Variants in PCDH17 observed in about 807,000 individuals in gnomAD.
The protein encoded by PCDH17 is protocadherin 17, also known as protocadherin-17.
Under a neutral mutation model 67.7 loss-of-function variants are expected in PCDH17, and 21 were observed. That is an observed-to-expected ratio of 0.31 (90% CI 0.22 to 0.45). The LOEUF (loss-of-function observed/expected upper bound fraction) is 0.45. PCDH17 is among the 20% of genes least tolerant of loss of function. The pLI, the probability that PCDH17 is intolerant of heterozygous loss-of-function variation, is 1.00. For missense variants in PCDH17, 1,471 were observed against 1,564.8 expected, an observed-to-expected ratio of 0.94 and a Z score of 1.01; for synonymous variants, 701 against 656.7, an observed-to-expected ratio of 1.07 and a Z score of -1.03.
At chr13:57,687,963 T>C (rs1312502405) in intron 3 of PCDH17, among the ~76,000 whole-genome samples, 1 of 152,008 alleles carries the variant, frequency 6.6e-6, no homozygotes, top group Non-Finnish European at 1.5e-5. Flanking sequence ...CAATTTAGTC[T>C]AGATAAACTG....
In PCDH17 at chr13:57,633,422, G is replaced by A; in HGVS notation, c.876G>A (p.Glu292=). ...GCTACGTGCCTGACCGCGTGCGGGAGCTCTTCTCCATCGACCCCAAGACCG... is the reference window on the plus strand; with the variant it reads ...GCTACGTGCCTGACCGCGTGCGGGAACTCTTCTCCATCGACCCCAAGACCG... The part of the protein sequence containing the change: ...FSSYVPDRVR[E]LFSIDPKTGL... Residue 292 remains glutamate, a synonymous_variant, in exon 1 of 4, where the codon GAG becomes GAA. Coordinates refer to ENST00000377918, the MANE Select transcript of PCDH17 (RefSeq NM_001040429.3). This position sits in a 1 kb window ranked among gnomAD's most constrained non-coding sequence, Gnocchi z 6.2. 1 of 1,613,514 alleles carries A rather than the reference G, an allele frequency of 6.2e-7. No homozygotes were observed.
rs1955903127 is a variant in PCDH17, at chr13:57,725,058, A to G, written c.3244A>G (p.Ser1082Gly). The G allele has an allele frequency of 6.2e-7, 1 of 1,614,136 alleles. No individual in the cohort carries two copies. The highest frequency in any genetic ancestry group is 8.5e-7 in the Non-Finnish European group (1 of 1,179,990). Reference sequence around the variant, plus strand: ...CACTGACAGTCAATATCTGTCACCTAGTAAGCAACCAAGAGACCCTCCCTT... The same window carrying G: ...CACTGACAGTCAATATCTGTCACCTGGTAAGCAACCAAGAGACCCTCCCTT... Reference protein sequence around the residue: ...LPTDSQYLSPSKQPRDPPFMA... With the variant: ...LPTDSQYLSPGKQPRDPPFMA... Residue 1082 changes from serine (S) to glycine (G), a missense_variant, in exon 4 of 4, where the codon AGT becomes GGT. By Grantham distance (56) the Ser-to-Gly change is moderately conservative (BLOSUM62 0). Transcript: ENST00000377918.
At chr13:57,723,683 G>A (rs1955889638) in intron 3 of PCDH17, among the ~76,000 whole-genome samples, 1 of 152,170 alleles carries the variant, frequency 6.6e-6, no homozygotes, top group African/African-American at 2.4e-5. Context: ...CAACTGGGAC[G>A]ATGTAGCTCA....
intron 3 of PCDH17, among the ~76,000 whole-genome samples, chr13:57,700,313 C>T (rs1224502050): frequency 6.7e-6 from 1 of 148,818 alleles, no homozygotes; most frequent in Non-Finnish European, 1.5e-5. Flanking sequence ...TTACATCTCT[C>T]TCTCTCTCTT....
chr13:57,640,918 A>G lies in PCDH17; in HGVS notation c.2565+5807A>G, dbSNP rs552592920. Among the ~76,000 whole-genome samples, 222 of 152,166 alleles carry G rather than the reference A, an allele frequency of 1.5e-3. 2 individuals carry two copies. The highest frequency in any genetic ancestry group is 5.3e-3 in the African/African-American group (220 of 41,554). ...CGCTAATTACAATATTAGTCATTGC[A>G]CTAGAATGTATTCCCCTCAGTGGTA... On this transcript the variant is annotated intron_variant, in intron 1 of 3. Transcript: ENST00000377918.
At chr13:57,656,179 A>G (rs1329057982) in intron 1 of PCDH17, among the ~76,000 whole-genome samples, 1 of 152,118 alleles carries the variant, frequency 6.6e-6, no homozygotes, top group East Asian at 1.9e-4. Flanking sequence ...AGATCCTAAT[A>G]CAAGACACTG....
chr13:57,724,113 C>T (rs540021653), intron 3 of PCDH17, among the ~76,000 whole-genome samples: 2 of 152,282 alleles, frequency 1.3e-5, no homozygotes, highest in African/African-American at 4.8e-5. Context: ...CCTTTTATTT[C>T]ATGACTGTCA....
rs761712622 is a variant in PCDH17 at position 57,634,794 on chromosome 13, C to A, written c.2248C>A (p.Pro750Thr). The A allele has an allele frequency of 1.9e-6, 3 of 1,614,024 alleles. No homozygotes were observed. The highest frequency in any genetic ancestry group is 2.5e-6 in the Non-Finnish European group (3 of 1,180,028). ...CTGCCGCATCGCCGAGTACAGCCAC[C>A]CGCAGCTGGGTGGGGGCAAGGGCAA... ...YNCRIAEYSH[P>T]QLGGGKGKKK... Residue 750 changes from proline to threonine, a missense_variant, in exon 1 of 4, where the codon CCG becomes ACG. Transcript: ENST00000377918. This position sits in a 1 kb window ranked among gnomAD's most constrained non-coding sequence, Gnocchi z 7.8.
intron 1 of PCDH17, among the ~76,000 whole-genome samples, chr13:57,651,365 T>G (rs1457845632): frequency 1.0e-4 from 15 of 148,142 alleles, no homozygotes; most frequent in Non-Finnish European, 2.2e-4. Flanking sequence ...GGTTTTTTTT[T>G]TTTTTTTTTT....
At position 57,728,916 on chromosome 13, in the gene PCDH17, A is replaced by C. The variant is rs1955933595; in HGVS notation, c.*3622A>C. ...TTAAAAGCTGTTTGTTATCTAATAG[A>C]GTAAAAGTTACTGAGGTCAACAGAT... is the stretch of plus-strand genomic sequence containing the variant. On this transcript the variant is annotated 3_prime_UTR_variant, in exon 4 of 4. Coordinates refer to ENST00000377918, the MANE Select transcript of PCDH17 (RefSeq NM_001040429.3). The C allele has an allele frequency of 6.6e-6, 1 of 152,464 alleles. No individual in the cohort carries two copies. The allele number at this position is 152,464 out of a possible 1,614,324, so 9.4% of individuals were successfully genotyped here. A position where few individuals can be genotyped will look rare whatever the true frequency, so the allele number is the denominator to read the frequency against.
At chr13:57,693,626 A>G (rs1395318358) in intron 3 of PCDH17, among the ~76,000 whole-genome samples, 2 of 150,650 alleles carry the variant, frequency 1.3e-5, no homozygotes, top group East Asian at 1.9e-4. Context: ...GGAAGGACAC[A>G]ATAATTTAAA....
chr13:57,695,566 TC>T (rs1343515487), intron 3 of PCDH17, among the ~76,000 whole-genome samples: 1 of 151,198 alleles, frequency 6.6e-6, no homozygotes, highest in Non-Finnish European at 1.5e-5. Flanking sequence ...ATGTATTTAT[TC>T]TAGCTATTTT....
rs562817440 is a variant in PCDH17 at position 57,702,276 on chromosome 13, G to C, written c.2798-22336G>C. 2.6e-5 allele frequency among the ~76,000 whole-genome samples: 4 copies of C among 151,912 alleles called. No homozygotes were observed. The South Asian group carries it at 6.3e-4, about 24-fold the overall frequency. On this transcript the variant is annotated intron_variant, in intron 3 of 3. Coordinates refer to ENST00000377918, the MANE Select transcript of PCDH17 (RefSeq NM_001040429.3). Reference sequence around the variant, plus strand: ...AATAAATGGCTTTCACTTGCAAAAGGCTCCATGTCTAAACAGAGTTTGTGC... The same window carrying C: ...AATAAATGGCTTTCACTTGCAAAAGCCTCCATGTCTAAACAGAGTTTGTGC...
intron 3 of PCDH17, among the ~76,000 whole-genome samples, chr13:57,677,873 A>C (rs1429969199): frequency 6.6e-6 from 1 of 151,824 alleles, no homozygotes; most frequent in East Asian, 1.9e-4. Context: ...TAGAGAGTCA[A>C]ATGGTGGTTA....
intron 1 of PCDH17, among the ~76,000 whole-genome samples, chr13:57,661,332 T>C (rs1955180683): frequency 6.6e-6 from 1 of 152,114 alleles, no homozygotes; most frequent in Admixed American, 6.6e-5. Context: ...TTCAAGTGTT[T>C]GTTTGTTTGT....
In PCDH17 at chr13:57,633,830, C is replaced by T. The variant is rs1954772283; in HGVS notation, c.1284C>T (p.Arg428=). 1.2e-6 allele frequency: 2 copies of T among 1,612,416 alleles called. No homozygotes were observed. The highest frequency in any genetic ancestry group is 1.7e-6 in the Non-Finnish European group (2 of 1,180,010). The stretch of plus-strand genomic sequence containing the variant: ...ACTTCTACACGGTGGTGACTGACCG[C>T]CCGCTGGACCGCGAGACACAAGACG... The part of the protein sequence containing the change: ...YDNFYTVVTD[R]PLDRETQDEY... Residue 428 remains arginine (R), a synonymous_variant, in exon 1 of 4, where the codon CGC becomes CGT. Coordinates refer to ENST00000377918, the MANE Select transcript of PCDH17 (RefSeq NM_001040429.3). This position sits in a 1 kb window ranked among gnomAD's most constrained non-coding sequence, Gnocchi z 6.2.
intron 1 of PCDH17, among the ~76,000 whole-genome samples, chr13:57,657,709 C>A (rs903981623): frequency 6.6e-6 from 1 of 152,138 alleles, no homozygotes; most frequent in Non-Finnish European, 1.5e-5. Context: ...GTTTTCAACG[C>A]AATGGTATCA....
intron 1 of PCDH17, among the ~76,000 whole-genome samples, chr13:57,636,614 G>T (rs1954826683): frequency 6.6e-6 from 1 of 151,776 alleles, no homozygotes; most frequent in African/African-American, 2.4e-5. Context: ...ATTTTTTAAG[G>T]TCTATATAAA....
chr13:57,653,337 A>C (rs1955064537), intron 1 of PCDH17, among the ~76,000 whole-genome samples: 1 of 152,126 alleles, frequency 6.6e-6, no homozygotes, highest in Non-Finnish European at 1.5e-5. Flanking sequence ...CTCGTATTAG[A>C]AACTGTAGGG....
Sources: gnomAD v4.1 joint callset for allele counts (sites outside exome capture counted in the v4.1 genomes callset) on GRCh38, gnomAD v4.1.1 for gene constraint, Gnocchi (gnomAD v3.1) non-coding constraint, MANE v1.5 for transcripts, NCBI Gene and HGNC (gene_info 2026-07-23, HGNC 2026-07-21) for gene names.